Variants in STPG4 observed in about 807,000 individuals in gnomAD.
STPG4 encodes sperm-tail PG-rich repeat containing 4.
STPG4 carries 41 observed loss-of-function variants against 31.5 expected under a neutral mutation model. The observed-to-expected ratio is 1.30, with a 90% CI of 1.01 to 1.69. The LOEUF (loss-of-function observed/expected upper bound fraction) is 1.69, where lower values mean the gene tolerates loss of function less well. Among genes scored for constraint, STPG4 ranks in the 40% most tolerant of loss-of-function variants. The pLI is 0.00. For synonymous variants in STPG4, 141 were observed against 103.0 expected (o/e 1.37, Z -2.24); for missense variants, 375 against 293.4 (o/e 1.28, Z -2.03).
chr2:47,130,048 A>G (rs773372755), intron 4 of STPG4, 53 bp from the exon 5 acceptor site: 99 of 1,486,098 alleles, frequency 6.7e-5, no homozygotes, highest in Non-Finnish European at 9.0e-5. Context: ...TTTTTTAAAG[A>G]TCTTTGTTAA....
At chr2:47,131,306 T>C (rs1686478796) in intron 3 of STPG4, among the ~76,000 whole-genome samples, 1 of 151,956 alleles carries the variant, frequency 6.6e-6, no homozygotes, top group African/African-American at 2.4e-5. Flanking sequence ...TTCTTGGTCT[T>C]AATAGAGACA....
At chr2:47,153,325 G>T (rs1253733787) in intron 1 of STPG4, among the ~76,000 whole-genome samples, 1 of 152,178 alleles carries the variant, frequency 6.6e-6, no homozygotes, top group Non-Finnish European at 1.5e-5. Context: ...AAAGAGTTAG[G>T]CTTGAAGCCA....
intron 5 of STPG4, among the ~76,000 whole-genome samples, chr2:47,100,455 A>G (rs1422198081): frequency 1.3e-5 from 2 of 149,166 alleles, no homozygotes; most frequent in African/African-American, 2.5e-5. Flanking sequence ...CAGGGATTGT[A>G]AACACACCAA....
chr2:47,118,142 G>C (rs138876831), intron 5 of STPG4, among the ~76,000 whole-genome samples: 1 of 152,218 alleles, frequency 6.6e-6, no homozygotes, highest in Non-Finnish European at 1.5e-5. Context: ...GGCTTCATAG[G>C]AGGAGGTGAG....
intron 3 of STPG4, among the ~76,000 whole-genome samples, chr2:47,136,711 G>A (rs1573189695): frequency 2.0e-5 from 3 of 152,286 alleles, no homozygotes; most frequent in South Asian, 4.1e-4. Context: ...CTAGCCAAAT[G>A]TTTGGTCAAT....
chr2:47,145,621 A>G (rs930324758), intron 3 of STPG4, among the ~76,000 whole-genome samples: 1 of 152,258 alleles, frequency 6.6e-6, no homozygotes, highest in Non-Finnish European at 1.5e-5. Flanking sequence ...AGACAATCAC[A>G]TACACATAAG....
chr2:47,095,280 G>A (rs551045164), intron 5 of STPG4, among the ~76,000 whole-genome samples: 1 of 152,156 alleles, frequency 6.6e-6, no homozygotes, highest in Non-Finnish European at 1.5e-5. Context: ...GTGGGGCCTC[G>A]TCCAACATGG....
intron 3 of STPG4, among the ~76,000 whole-genome samples, chr2:47,133,380 T>C (rs1370746276): frequency 6.6e-6 from 1 of 151,812 alleles, no homozygotes; most frequent in Non-Finnish European, 1.5e-5. Context: ...TTGCCAGGGC[T>C]GGTCTCAAAC....
intron 3 of STPG4, among the ~76,000 whole-genome samples, chr2:47,137,098 C>G (rs1260783294): frequency 6.6e-6 from 1 of 152,144 alleles, no homozygotes; most frequent in Non-Finnish European, 1.5e-5. Context: ...AGTTTCTCAC[C>G]ATTAAGTATG....
intron 3 of STPG4, among the ~76,000 whole-genome samples, chr2:47,147,428 C>T (rs1693890): frequency 0.87 from 132,694 of 152,128 alleles, 58,286 homozygotes; most frequent in South Asian, 0.95. Flanking sequence ...TGAGAGGTAG[C>T]GAAAAGGTGG....
chr2:47,088,194 C>T (rs575262403), intron 6 of STPG4, among the ~76,000 whole-genome samples: 1 of 152,302 alleles, frequency 6.6e-6, no homozygotes, highest in South Asian at 2.1e-4. Flanking sequence ...ATTCTCATGC[C>T]TCAGCCACCT....
intron 5 of STPG4, 56 bp from the exon 6 acceptor site, chr2:47,090,430 G>T: frequency 8.9e-7 from 1 of 1,128,264 alleles, no homozygotes; most frequent in Non-Finnish European, 1.3e-6. Context: ...TATATTTTAA[G>T]GCTTTATTTG....
chr2:47,089,031 T>A (rs1039202501), intron 6 of STPG4, among the ~76,000 whole-genome samples: 1 of 152,096 alleles, frequency 6.6e-6, no homozygotes, highest in African/African-American at 2.4e-5. Flanking sequence ...ACCAACAACC[T>A]TCTGGTTGTC....
At chr2:47,142,836 CTTTTTTTTT>C (rs10686388) in intron 3 of STPG4, among the ~76,000 whole-genome samples, 1 of 73,836 alleles carries the variant, frequency 1.4e-5, no homozygotes, top group East Asian at 4.9e-4. Context: ...TTTATCTCAT[CTTTTTTTTT>C]TTTTTTTTTT....
At position 47,130,239 on chromosome 2, in the gene STPG4, GC is replaced by G. The variant is rs758601743; in HGVS notation, c.420del (p.Gln141AsnfsTer44). On this transcript the variant is annotated frameshift_variant, in exon 4 of 7. Coordinates refer to ENST00000445927, the MANE Select transcript of STPG4 (RefSeq NM_001163561.2). LOFTEE classifies it high-confidence loss of function. ...DKDQSLQLSPGQYNVLPAPVP... is the reference protein window; with the variant it reads ...DKDQSLQLSPXQYNVLPAPVP... ...ACTGGTGCAGGAAGCACGTTGTATT[GC>G]CCCGGAGAAAGCTGAAGTGACTGCA... 3 of 1,614,082 alleles carry G rather than the reference GC, an allele frequency of 1.9e-6. No homozygotes were observed. Among genetic ancestry groups the G allele is most frequent in the Non-Finnish European group, 2.5e-6 (3 of 1,179,938 alleles).
At chr2:47,123,711 T>C (rs1365848371) in intron 5 of STPG4, among the ~76,000 whole-genome samples, 1 of 126,038 alleles carries the variant, frequency 7.9e-6, no homozygotes, top group Non-Finnish European at 1.9e-5. Flanking sequence ...ATATCTTAAA[T>C]CAATTGCATT....
chr2:47,096,929 C>T (rs568738227), intron 5 of STPG4, among the ~76,000 whole-genome samples: 9 of 152,158 alleles, frequency 5.9e-5, no homozygotes, highest in South Asian at 2.1e-4. Context: ...TATACCAACT[C>T]GGAGGGCTTA....
intron 5 of STPG4, among the ~76,000 whole-genome samples, chr2:47,124,277 G>T (rs1262458216): frequency 6.6e-6 from 1 of 152,034 alleles, no homozygotes; most frequent in African/African-American, 2.4e-5. Flanking sequence ...GAGCCACCGT[G>T]CCCAGCCAAT....
chr2:47,150,074 A>G (rs959843401), intron 3 of STPG4, among the ~76,000 whole-genome samples: 1 of 152,200 alleles, frequency 6.6e-6, no homozygotes, highest in African/African-American at 2.4e-5. Context: ...GTCTCTACTC[A>G]CCTTAGTTTT....
Sources: gnomAD v4.1 joint callset for allele counts (sites outside exome capture counted in the v4.1 genomes callset) on GRCh38, gnomAD v4.1.1 for gene constraint, MANE v1.5 for transcripts, NCBI Gene and HGNC (gene_info 2026-07-23, HGNC 2026-07-21) for gene names.